The following RIOX2 variants were observed in gnomAD, a reference collection of about 807,000 sequenced individuals.
RIOX2 encodes the protein ribosomal oxygenase 2.
Under a neutral mutation model 51.2 loss-of-function variants are expected in RIOX2, and 43 were observed. That is an observed-to-expected ratio of 0.84 (90% CI 0.66 to 1.08). RIOX2 has a LOEUF of 1.08. Among genes scored for constraint, RIOX2 ranks in the 50% least tolerant of loss-of-function variants. RIOX2 has a pLI of 0.00. For missense variants in RIOX2, 566 were observed against 561.7 expected (o/e 1.01, Z -0.08); for synonymous variants, 226 against 218.5 (o/e 1.03, Z -0.30).
chr3:97,944,203 C>T lies in RIOX2; in HGVS notation c.*981G>A, dbSNP rs570256752. 2.0e-4 allele frequency: 30 copies of T among 151,122 alleles called. No individual in the cohort carries two copies. The highest frequency in any genetic ancestry group is 6.1e-4 in the African/African-American group (25 of 41,198). 9.4% of individuals were successfully genotyped at this position (151,122 alleles called of 1,614,324 possible). A position where few individuals can be genotyped will look rare whatever the true frequency, so the allele number is the denominator to read the frequency against. ...TGACCTTACCATCTCTTTAAGTAAACGTGGAGTTGATTTCTCTACTAAATA... is the reference window on the plus strand; with the variant it reads ...TGACCTTACCATCTCTTTAAGTAAATGTGGAGTTGATTTCTCTACTAAATA... On this transcript the variant is annotated 3_prime_UTR_variant, in exon 10 of 10. Coordinates refer to ENST00000394198, the MANE Select transcript of RIOX2 (RefSeq NM_153182.4).
Position 97,945,883 on chromosome 3 carries a change from T to TCATC in RIOX2, c.1150_1153dup (p.Glu385GlyfsTer2). The TCATC allele has an allele frequency of 6.2e-7, 1 of 1,600,954 alleles. No individual in the cohort carries two copies. The highest frequency in any genetic ancestry group is 8.6e-7 in the Non-Finnish European group (1 of 1,168,970). ...GATGTACACCATCTTTTCTTGAGCT[T>TCATC]CATCCTTTGGGGAAAAAATAAATGC... On this transcript the variant is annotated stop_gained and frameshift_variant, in exon 9 of 10. Transcript: ENST00000394198. LOFTEE classifies it high-confidence loss of function.
intron 1 of RIOX2, 63 bp from the exon 2 acceptor site, chr3:97,967,695 G>T: frequency 8.6e-7 from 1 of 1,164,824 alleles, no homozygotes; most frequent in Non-Finnish European, 1.2e-6. Context: ...GGTGTTAGTG[G>T]ATCGCGCGCA....
At chr3:97,945,400 G>A in intron 9 of RIOX2, 58 bp from the exon 10 acceptor site, 1 of 1,435,330 alleles carries the variant, frequency 7.0e-7, no homozygotes, top group Non-Finnish European at 9.5e-7. Flanking sequence ...CATTGAAGTA[G>A]CATTTTCCTG....
intron 5 of RIOX2, among the ~76,000 whole-genome samples, chr3:97,951,660 G>A (rs138783734): frequency 8.5e-5 from 13 of 152,182 alleles, no homozygotes; most frequent in African/African-American, 2.4e-4. Context: ...TCAAATTGCC[G>A]GCTAGTAGAA....
At chr3:97,962,927 A>G (rs968923659) in intron 2 of RIOX2, among the ~76,000 whole-genome samples, 6 of 152,352 alleles carry the variant, frequency 3.9e-5, no homozygotes, top group African/African-American at 1.4e-4. Flanking sequence ...CACAAAGGGC[A>G]CTAAAGAGAC....
chr3:97,965,799 A>G (rs914494828), intron 2 of RIOX2, among the ~76,000 whole-genome samples: 2 of 152,244 alleles, frequency 1.3e-5, no homozygotes, highest in African/African-American at 2.4e-5. Context: ...AAGTACACGT[A>G]ATCAAATTCA....
At position 97,954,254 on chromosome 3, in the gene RIOX2, G is replaced by C. The variant is rs911261530; in HGVS notation, c.785+138C>G. ...CATACATGGGACATCAAAGGAATGT[G>C]GAAGTCAGTAAAGGACATAAACCCT... On this transcript the variant is annotated intron_variant, in intron 5 of 9. Transcript: ENST00000394198. 14 of 635,002 alleles carry C rather than the reference G, an allele frequency of 2.2e-5. No individual in the cohort carries two copies. In the African/African-American group the frequency reaches 2.6e-4, roughly 12 times the overall value. 39.3% of individuals were successfully genotyped at this position (635,002 alleles called of 1,614,324 possible). A position where few individuals can be genotyped will look rare whatever the true frequency, so the allele number is the denominator to read the frequency against.
intron 5 of RIOX2, chr3:97,954,058 T>C (rs920829065): frequency 9.3e-6 from 2 of 214,700 alleles, no homozygotes; most frequent in African/African-American, 4.5e-5. Flanking sequence ...TTTATCATAT[T>C]AAAAAAAAAG....
chr3:97,950,695 G>T, intron 6 of RIOX2, 91 bp downstream of exon 6: 2 of 981,246 alleles, frequency 2.0e-6, no homozygotes, highest in Non-Finnish European at 3.3e-6. Context: ...GGCTCATGTT[G>T]GAAGAAGTAT....
intron 1 of RIOX2, among the ~76,000 whole-genome samples, chr3:97,970,678 C>A (rs1706094004): frequency 6.6e-6 from 1 of 152,124 alleles, no homozygotes; most frequent in African/African-American, 2.4e-5. Context: ...TGTAAAATCA[C>A]AGAAAAGTTT....
chr3:97,971,066 G>GA (rs1192897692), intron 1 of RIOX2, among the ~76,000 whole-genome samples: 1 of 152,172 alleles, frequency 6.6e-6, no homozygotes, highest in Non-Finnish European at 1.5e-5. Flanking sequence ...AACAGTTACG[G>GA]AAAAAACAGA....
chr3:97,957,125 T>C (rs1705478710), intron 4 of RIOX2, among the ~76,000 whole-genome samples: 1 of 152,160 alleles, frequency 6.6e-6, no homozygotes, highest in Non-Finnish European at 1.5e-5. Context: ...TGCCCATCCC[T>C]CAACCACAGC....
chr3:97,948,137 T>C (rs184784691), intron 7 of RIOX2, among the ~76,000 whole-genome samples: 15 of 152,252 alleles, frequency 9.9e-5, no homozygotes, highest in Admixed American at 6.5e-4. Context: ...ATAAGCAAAC[T>C]GTTCTGCTAA....
intron 6 of RIOX2, 100 bp from the exon 7 acceptor site, chr3:97,950,115 G>T: frequency 8.7e-7 from 1 of 1,143,310 alleles, no homozygotes. Context: ...ACCGGGTATA[G>T]ACATTAATCC....
intron 3 of RIOX2, among the ~76,000 whole-genome samples, chr3:97,961,187 T>C (rs1705658137): frequency 6.6e-6 from 1 of 152,168 alleles, no homozygotes; most frequent in Non-Finnish European, 1.5e-5. Flanking sequence ...AATATATACA[T>C]ATTTTTGGCA....
intron 2 of RIOX2, 39 bp downstream of exon 2, chr3:97,967,123 T>C: frequency 6.3e-7 from 1 of 1,584,260 alleles, no homozygotes; most frequent in South Asian, 1.2e-5. Context: ...GTTAGTACTT[T>C]AAAATGTATG....
chr3:97,946,781 A>G (rs2040377630), intron 8 of RIOX2, among the ~76,000 whole-genome samples: 1 of 151,696 alleles, frequency 6.6e-6, no homozygotes, highest in Non-Finnish European at 1.5e-5. Flanking sequence ...GATCGTTCCA[A>G]GGTCTTTAGG....
In RIOX2 at chr3:97,959,067, T is replaced by C. The variant is rs746391654; in HGVS notation, c.665A>G (p.His222Arg). The C allele has an allele frequency of 4.3e-6, 7 of 1,613,208 alleles. No homozygotes were observed. Among genetic ancestry groups the C allele is most frequent in the African/African-American group, 2.7e-5 (2 of 74,902 alleles). The change falls in exon 4 of 10, where the codon CAT (histidine) becomes CGT (arginine). Residue 222 changes from histidine (H) to arginine (R), a missense_variant. Coordinates refer to ENST00000394198, the MANE Select transcript of RIOX2 (RefSeq NM_153182.4). Reference protein sequence around the residue: ...EAEERIGRPVHEFMLKPGDLL... With the variant: ...EAEERIGRPVREFMLKPGDLL... ...ATCACATACCTTCAGCATAAACTCATGCACCGGCCTGCCGATCCTTTCCTC... is the reference window on the plus strand; with the variant it reads ...ATCACATACCTTCAGCATAAACTCACGCACCGGCCTGCCGATCCTTTCCTC...
Position 97,942,364 on chromosome 3 carries a change from A to G in RIOX2, c.*2820T>C. ...TAGCTCTATGGACTGAACATGGGCA[A>G]TTCAGGCAGAAGTGGAGACTGAATA... On this transcript the variant is annotated 3_prime_UTR_variant, in exon 10 of 10. Transcript: ENST00000394198. The G allele has an allele frequency of 6.2e-7, 1 of 1,611,992 alleles. No individual in the cohort carries two copies.
Sources: allele counts gnomAD v4.1 joint callset (sites outside exome capture counted in the v4.1 genomes callset), GRCh38; gene constraint gnomAD v4.1.1; transcripts MANE v1.5; gene names NCBI Gene and HGNC (gene_info 2026-07-23, HGNC 2026-07-21).